NCOA2: variants seen among roughly 807,000 people sequenced by gnomAD.
NCOA2 encodes the protein class E basic helix-loop-helix protein 75.
Under a neutral mutation model 145.1 loss-of-function variants are expected in NCOA2, and 21 were observed. The observed-to-expected ratio is 0.14, with a 90% confidence interval of 0.10 to 0.21. The LOEUF is 0.21. NCOA2 is among the 10% of genes least tolerant of loss of function. The pLI is 1.00. For synonymous variants in NCOA2, 619 were observed against 637.5 expected, an observed-to-expected ratio of 0.97 and a Z score of 0.44; for missense variants, 1,472 against 1,837.6, an observed-to-expected ratio of 0.80 and a Z score of 3.64.
At chr8:70,165,674 C>A (rs1364242742) in intron 7 of NCOA2, among the ~76,000 whole-genome samples, 1 of 152,164 alleles carries the variant, frequency 6.6e-6, no homozygotes, top group Non-Finnish European at 1.5e-5. Flanking sequence ...GAGTCTAAAA[C>A]CCCCTCCATT....
chr8:70,158,405 T>C (rs1443024606), intron 10 of NCOA2, among the ~76,000 whole-genome samples: 2 of 152,248 alleles, frequency 1.3e-5, no homozygotes, highest in African/African-American at 2.4e-5. Context: ...AAATCAATAT[T>C]CAATTTCTTT....
intron 2 of NCOA2, among the ~76,000 whole-genome samples, chr8:70,233,334 T>C (rs893235329): frequency 1.3e-5 from 2 of 152,214 alleles, no homozygotes; most frequent in African/African-American, 4.8e-5. Flanking sequence ...GTGAAATGTA[T>C]GAATATTCAC....
chr8:70,188,304 T>C (rs1046981495), intron 4 of NCOA2, among the ~76,000 whole-genome samples: 5 of 152,330 alleles, frequency 3.3e-5, no homozygotes, highest in South Asian at 2.1e-4. Context: ...TGGTGGCAGT[T>C]TGTCAGCTCT....
intron 19 of NCOA2, 131 bp downstream of exon 19, chr8:70,126,682 T>C (rs1432066740): frequency 2.5e-6 from 2 of 794,246 alleles, no homozygotes; most frequent in East Asian, 2.7e-5. Flanking sequence ...CCAGGTTTCC[T>C]ATCATTCCCT....
the NCOA2 span, among the ~76,000 whole-genome samples, chr8:70,453,540 T>C: frequency 6.6e-6 from 1 of 152,258 alleles, no homozygotes. Context: ...GCCTAGTCTG[T>C]TCATAAGTAG....
At chr8:70,113,860 C>T (rs942399857) in intron 22 of NCOA2, among the ~76,000 whole-genome samples, 1 of 152,128 alleles carries the variant, frequency 6.6e-6, no homozygotes, top group African/African-American at 2.4e-5. Flanking sequence ...AGGAGCCCAG[C>T]GAATCCTACA....
chr8:70,404,345 GC>G (rs1251383155), upstream of NCOA2, among the ~76,000 whole-genome samples: 1 of 152,234 alleles, frequency 6.6e-6, no homozygotes, highest in African/African-American at 2.4e-5. Context: ...GCTGCAGACG[GC>G]AGGGACGGTG....
At chr8:70,336,514 T>C (rs1338316871) in intron 1 of NCOA2, among the ~76,000 whole-genome samples, 4 of 152,124 alleles carry the variant, frequency 2.6e-5, no homozygotes, top group Non-Finnish European at 5.9e-5. Context: ...GAATCACAGT[T>C]CCTCATGGGG....
intron 2 of NCOA2, among the ~76,000 whole-genome samples, chr8:70,272,075 A>G (rs1038746961): frequency 2.6e-5 from 4 of 152,258 alleles, no homozygotes; most frequent in Non-Finnish European, 5.9e-5. Flanking sequence ...ACTTACAGAA[A>G]TGTACATACA....
chr8:70,335,782 T>C (rs1807530840), intron 1 of NCOA2, among the ~76,000 whole-genome samples: 1 of 152,124 alleles, frequency 6.6e-6, no homozygotes, highest in Non-Finnish European at 1.5e-5. Flanking sequence ...GTAGAGCATA[T>C]TTACACAAAC....
the NCOA2 span, among the ~76,000 whole-genome samples, chr8:70,412,906 C>T: frequency 3.2e-3 from 489 of 151,778 alleles, 4 homozygotes; most frequent in African/African-American, 0.011. Context: ...AAGACCTACC[C>T]GGCCAACATG....
chr8:70,341,082 G>GAAAAAAAAAAAAAAAAAAAA (rs3085558), intron 1 of NCOA2, among the ~76,000 whole-genome samples: 9 of 105,046 alleles, frequency 8.6e-5, no homozygotes, highest in African/African-American at 2.9e-4. Context: ...TTAAAAAGTT[G>GAAAAAAAAAAAAAAAAAAAA]AAAAAAAAAA....
chr8:70,114,742 A>T (rs1478914419), intron 22 of NCOA2, among the ~76,000 whole-genome samples: 2 of 152,264 alleles, frequency 1.3e-5, no homozygotes, highest in Non-Finnish European at 2.9e-5. Context: ...ATTTAGACAC[A>T]GAATTCTAGC....
chr8:70,426,085 C>T, the NCOA2 span, among the ~76,000 whole-genome samples: 1 of 152,178 alleles, frequency 6.6e-6, no homozygotes, highest in Non-Finnish European at 1.5e-5. Flanking sequence ...AACAGCAAAA[C>T]TCTTCTCTTC....
At chr8:70,334,399 T>C (rs1301337185) in intron 1 of NCOA2, among the ~76,000 whole-genome samples, 2 of 152,198 alleles carry the variant, frequency 1.3e-5, no homozygotes, top group Admixed American at 6.6e-5. Flanking sequence ...TCTATACCTT[T>C]ATTAGCTCTA....
chr8:70,127,093 T>C lies in NCOA2; in HGVS notation c.3682-46A>G, dbSNP rs73285383. 1,195 of 1,394,568 alleles carry C rather than the reference T, an allele frequency of 8.6e-4. 8 individuals carry two copies. In the African/African-American group the frequency reaches 0.016, roughly 18 times the overall value. The allele number at this position is 1,394,568 out of a possible 1,614,324, so 86.4% of individuals were successfully genotyped here. Reference sequence around the variant, plus strand: ...TGGAGGAAAATGTCGGGGACAGACATAGATTAAAAAACAAAGTGAGTATTA... The same window carrying C: ...TGGAGGAAAATGTCGGGGACAGACACAGATTAAAAAACAAAGTGAGTATTA... On this transcript the variant is annotated intron_variant, in intron 18 of 22. Transcript: ENST00000452400.
intron 1 of NCOA2, among the ~76,000 whole-genome samples, chr8:70,386,822 T>G (rs1586659035): frequency 6.6e-6 from 1 of 152,196 alleles, no homozygotes; most frequent in African/African-American, 2.4e-5. Context: ...AAAGGAAATT[T>G]GGGACTCAGA....
At position 70,156,719 on chromosome 8, in the gene NCOA2, C is replaced by T. The variant is rs1218036866; in HGVS notation, c.1646G>A (p.Gly549Glu). Residue 549 changes from glycine (G) to glutamate (E), a missense_variant, in exon 11 of 23, where the codon GGG becomes GAG. Physicochemically the swap from Gly to Glu is moderately conservative, Grantham distance 98. This residue lies in a region of NCOA2 where 953 missense variants were observed against 1,062.1 expected (regional missense o/e 0.90). Coordinates refer to ENST00000452400, the MANE Select transcript of NCOA2 (RefSeq NM_006540.4). The part of the protein sequence containing the change: ...ALSEGHGVSL[G>E]SSLASPDLKM... ...TAGGTCTGGTGAAGCCAACGATGAC[C>T]CTAATGAGACCCCGTGCCCCTCGCT... The T allele has an allele frequency of 4.3e-6, 7 of 1,613,918 alleles. No individual in the cohort carries two copies.
intron 2 of NCOA2, among the ~76,000 whole-genome samples, chr8:70,268,359 C>T (rs2135233348): frequency 6.6e-6 from 1 of 152,270 alleles, no homozygotes; most frequent in Admixed American, 6.5e-5. Context: ...TAGGGCTCCT[C>T]ATGTACCCTC....
Sources: gnomAD v4.1 joint callset for allele counts (sites outside exome capture counted in the v4.1 genomes callset) on GRCh38, gnomAD v4.1.1 for gene constraint, gnomAD v4.1.1 regional missense constraint, MANE v1.5 for transcripts, NCBI Gene and HGNC (gene_info 2026-07-23, HGNC 2026-07-21) for gene names.